The following GRID1 variants were observed in gnomAD, a reference collection of about 807,000 sequenced individuals.
GRID1 encodes glutamate receptor ionotropic, delta-1.
Under a neutral mutation model 98.0 loss-of-function variants are expected in GRID1, and 28 were observed. The observed-to-expected ratio is 0.29, with a 90% CI of 0.21 to 0.39. The LOEUF is 0.39. Ranked by LOEUF, GRID1 falls within the 10% of genes least tolerant of loss-of-function variation. The probability of loss-of-function intolerance (pLI) is 1.00; values close to 1 mark genes in which losing one functional copy is unlikely to be tolerated. For synonymous variants in GRID1, 553 were observed against 538.5 expected (o/e 1.03, Z -0.37); for missense variants, 1,111 against 1,340.5 (o/e 0.83, Z 2.67).
At chr10:85,656,560 G>T (rs1405855679) in intron 12 of GRID1, among the ~76,000 whole-genome samples, 2 of 152,126 alleles carry the variant, frequency 1.3e-5, no homozygotes, top group African/African-American at 4.8e-5. Flanking sequence ...CACTAAACAT[G>T]CTCAAACTTG....
intron 4 of GRID1, among the ~76,000 whole-genome samples, chr10:85,918,812 A>C (rs1841658719): frequency 6.6e-6 from 1 of 152,202 alleles, no homozygotes; most frequent in African/African-American, 2.4e-5. Context: ...GCCTGAGCAG[A>C]AGGTGAGCAG....
intron 12 of GRID1, among the ~76,000 whole-genome samples, chr10:85,704,027 T>C (rs547885563): frequency 1.6e-3 from 240 of 152,224 alleles, no homozygotes; most frequent in Admixed American, 4.5e-3. Context: ...GGGTTGAAAA[T>C]TATTTTCTTT....
At chr10:86,302,735 C>T (rs1286762187) in intron 2 of GRID1, among the ~76,000 whole-genome samples, 2 of 152,212 alleles carry the variant, frequency 1.3e-5, no homozygotes, top group Non-Finnish European at 2.9e-5. Context: ...TACAGGACAA[C>T]TGGCCCATGC....
chr10:86,099,633 A>T (rs1346984908), intron 4 of GRID1, among the ~76,000 whole-genome samples: 2 of 152,054 alleles, frequency 1.3e-5, no homozygotes, highest in Non-Finnish European at 2.9e-5. Flanking sequence ...GACTCTCATA[A>T]ATTTCCCCAC....
chr10:85,925,894 AT>A (rs1382962051), intron 4 of GRID1, among the ~76,000 whole-genome samples: 3 of 152,226 alleles, frequency 2.0e-5, no homozygotes, highest in Non-Finnish European at 4.4e-5. Context: ...CATGAATCAA[AT>A]TCCTTCCCTC....
chr10:85,670,044 C>A (rs193192406), intron 12 of GRID1, among the ~76,000 whole-genome samples: 1 of 152,240 alleles, frequency 6.6e-6, no homozygotes, highest in Admixed American at 6.5e-5. Context: ...ATTGAATTGT[C>A]TTTCTTGACT....
intron 4 of GRID1, among the ~76,000 whole-genome samples, chr10:86,023,976 C>A (rs1008607367): frequency 6.6e-6 from 1 of 152,148 alleles, no homozygotes; most frequent in Admixed American, 6.5e-5. Flanking sequence ...TGAGTGAGTA[C>A]TCATTAATTA....
At chr10:86,095,109 T>C (rs1054273428) in intron 4 of GRID1, among the ~76,000 whole-genome samples, 2 of 152,156 alleles carry the variant, frequency 1.3e-5, no homozygotes, top group African/African-American at 2.4e-5. Context: ...AAAACCTCCC[T>C]AATTCATTTT....
chr10:85,812,733 T>A (rs1440744153), intron 8 of GRID1, among the ~76,000 whole-genome samples: 1 of 149,758 alleles, frequency 6.7e-6, no homozygotes, highest in East Asian at 2.0e-4. Flanking sequence ...ACAGAAGTTC[T>A]CTCTCTCTCT....
intron 3 of GRID1, among the ~76,000 whole-genome samples, chr10:86,187,162 T>C (rs1230169151): frequency 6.6e-6 from 1 of 152,202 alleles, no homozygotes; most frequent in Admixed American, 6.5e-5. Context: ...AGACCTCTTT[T>C]GCCACTTGCT....
chr10:86,353,172 TC>T (rs1470081045), intron 2 of GRID1, among the ~76,000 whole-genome samples: 8 of 151,948 alleles, frequency 5.3e-5, no homozygotes, highest in Non-Finnish European at 8.8e-5. Flanking sequence ...GCCCACAACC[TC>T]CAGAAGACGT....
intron 8 of GRID1, among the ~76,000 whole-genome samples, chr10:85,735,827 G>GGGAAGGAAAGAAGGAAGGGAGGAA (rs1452655541): frequency 9.4e-5 from 14 of 148,638 alleles, no homozygotes; most frequent in Non-Finnish European, 1.6e-4. Context: ...GAGGGATGCA[G>GGGAAGGAAAGAAGGAAGGGAGGAA]GGAAGGAAAG....
chr10:86,177,076 A>C (rs1589398886), intron 3 of GRID1, among the ~76,000 whole-genome samples: 1 of 149,194 alleles, frequency 6.7e-6, no homozygotes, highest in African/African-American at 2.5e-5. Context: ...CTTCGCCCCC[A>C]CCCCCTACAG....
chr10:85,873,880 A>G (rs1843302791), intron 5 of GRID1, among the ~76,000 whole-genome samples: 4 of 152,222 alleles, frequency 2.6e-5, no homozygotes, highest in Admixed American at 1.3e-4. Flanking sequence ...GATAATTCCA[A>G]TACTCACCAC....
At chr10:86,040,404 T>TA (rs1268990413) in intron 4 of GRID1, among the ~76,000 whole-genome samples, 4 of 145,820 alleles carry the variant, frequency 2.7e-5, no homozygotes, top group Non-Finnish European at 4.5e-5. Flanking sequence ...TATTCAGCCA[T>TA]AAAAAATGAT....
In GRID1 at chr10:85,728,041, G is replaced by A. The variant is rs78731548; in HGVS notation, c.1347C>T (p.Phe449=). Residue 449 remains phenylalanine (F), a synonymous_variant, in exon 10 of 16, where the codon TTC becomes TTT. Coordinates refer to ENST00000327946, the MANE Select transcript of GRID1 (RefSeq NM_017551.3). ...LKVVTVLEEP[F]VMVAENILGQ... ...CTAGGATGTTCTCAGCCACCATCAC[G>A]AAAGGCTCTTCCTGAGGACAACAGA... 7,238 of 1,611,138 alleles carry A rather than the reference G, an allele frequency of 4.5e-3. 31 individuals carry two copies. Among genetic ancestry groups the A allele is most frequent in the Non-Finnish European group, 5.1e-3 (5,998 of 1,177,354 alleles).
In GRID1 at chr10:85,823,295, T is replaced by TTA. The variant is rs3057658; in HGVS notation, c.1233+31200_1233+31201insTA. On this transcript the variant is annotated intron_variant, in intron 8 of 15. Coordinates refer to ENST00000327946, the MANE Select transcript of GRID1 (RefSeq NM_017551.3). ...GAAATATACACTTGAAATGGGTGCA[T>TTA]TGTGATTTGTAAAATATGACTCAAT... 5.7e-3 allele frequency among the ~76,000 whole-genome samples: 872 copies of TTA among 152,306 alleles called. 8 individuals carry two copies. The highest frequency in any genetic ancestry group is 0.02 in the African/African-American group (820 of 41,560).
chr10:85,876,910 T>G (rs563115636), intron 5 of GRID1, among the ~76,000 whole-genome samples: 55 of 152,330 alleles, frequency 3.6e-4, no homozygotes, highest in Admixed American at 1.6e-3. Flanking sequence ...ACCCCAATAC[T>G]GCGCTTTTCC....
chr10:86,185,714 T>C (rs1252519351), intron 3 of GRID1, among the ~76,000 whole-genome samples: 1 of 152,212 alleles, frequency 6.6e-6, no homozygotes, highest in Non-Finnish European at 1.5e-5. Flanking sequence ...AACATAATCA[T>C]ACGTGTTTTC....
Sources: gnomAD v4.1 joint callset for allele counts (sites outside exome capture counted in the v4.1 genomes callset) on GRCh38, gnomAD v4.1.1 for gene constraint, MANE v1.5 for transcripts, NCBI Gene and HGNC (gene_info 2026-07-23, HGNC 2026-07-21) for gene names.